The following THSD7B variants were observed in gnomAD, a reference collection of about 807,000 sequenced individuals.
THSD7B encodes the protein thrombospondin type-1 domain-containing protein 7B.
Under a neutral mutation model 213.6 loss-of-function variants are expected in THSD7B, and 138 were observed. The ratio of observed to expected loss-of-function variants is 0.65; its 90% CI spans 0.56 to 0.74. THSD7B has a LOEUF of 0.74. Among genes scored for constraint, THSD7B ranks in the 30% least tolerant of loss-of-function variants. The pLI, the probability that THSD7B is intolerant of heterozygous loss-of-function variation, is 0.00. For synonymous variants in THSD7B, 742 were observed against 687.0 expected (o/e 1.08, Z -1.25); for missense variants, 1,931 against 1,991.5 (o/e 0.97, Z 0.58).
chr2:137,168,918 A>G (rs968896452), intron 6 of THSD7B, among the ~76,000 whole-genome samples: 1 of 152,108 alleles, frequency 6.6e-6, no homozygotes, highest in Non-Finnish European at 1.5e-5. Flanking sequence ...TCTCCTTTCA[A>G]GGTGGCTTAG....
At chr2:137,604,854 G>T (rs375136283) in intron 17 of THSD7B, among the ~76,000 whole-genome samples, 72 of 152,148 alleles carry the variant, frequency 4.7e-4, no homozygotes, top group African/African-American at 1.7e-3. Flanking sequence ...GAAGTATGTG[G>T]TATATTTGGC....
At chr2:137,470,552 T>C (rs1035148086) in intron 15 of THSD7B, among the ~76,000 whole-genome samples, 4 of 152,292 alleles carry the variant, frequency 2.6e-5, no homozygotes, top group African/African-American at 9.6e-5. Context: ...TTAATCACGA[T>C]GCTAGTAAGG....
At chr2:137,565,645 C>T (rs1206016340) in intron 16 of THSD7B, among the ~76,000 whole-genome samples, 2 of 152,250 alleles carry the variant, frequency 1.3e-5, no homozygotes, top group South Asian at 2.1e-4. Flanking sequence ...TATCATTCTG[C>T]CCCAGTCCCC....
At chr2:137,252,713 C>G (rs974829773) in intron 10 of THSD7B, among the ~76,000 whole-genome samples, 3 of 152,124 alleles carry the variant, frequency 2.0e-5, no homozygotes, top group African/African-American at 7.2e-5. Context: ...ACAAAGGTGG[C>G]AGAGAATGAT....
chr2:137,137,642 T>G (rs1169848273), intron 5 of THSD7B, among the ~76,000 whole-genome samples: 1 of 152,170 alleles, frequency 6.6e-6, no homozygotes, highest in Non-Finnish European at 1.5e-5. Context: ...CCTCTAAGTT[T>G]GTGGAAGTAA....
chr2:137,285,874 T>G (rs1683161488), intron 12 of THSD7B, among the ~76,000 whole-genome samples: 1 of 151,878 alleles, frequency 6.6e-6, no homozygotes, highest in African/African-American at 2.4e-5. Flanking sequence ...GAGGTTGAGG[T>G]GGGCGGATCA....
At chr2:137,556,740 C>T (rs1329071438) in intron 15 of THSD7B, among the ~76,000 whole-genome samples, 2 of 152,126 alleles carry the variant, frequency 1.3e-5, no homozygotes, top group African/African-American at 4.8e-5. Flanking sequence ...TTAAAAGACA[C>T]AGACTGGCAA....
At chr2:136,797,047 A>G (rs1272045291) in intron 1 of THSD7B, among the ~76,000 whole-genome samples, 2 of 151,464 alleles carry the variant, frequency 1.3e-5, no homozygotes, top group East Asian at 3.9e-4. Flanking sequence ...TGTTTTTGTC[A>G]TGAAAAGAAA....
At chr2:137,354,136 T>G (rs1685075059) in intron 12 of THSD7B, among the ~76,000 whole-genome samples, 1 of 151,980 alleles carries the variant, frequency 6.6e-6, no homozygotes, top group African/African-American at 2.4e-5. Context: ...CTTACGACAT[T>G]GTTATTGTAG....
intron 7 of THSD7B, among the ~76,000 whole-genome samples, chr2:137,194,270 G>A (rs929253270): frequency 6.6e-5 from 10 of 152,284 alleles, no homozygotes; most frequent in Middle Eastern, 3.4e-3. Context: ...AAAGGGGCGT[G>A]CTGTAGAAAA....
intron 21 of THSD7B, among the ~76,000 whole-genome samples, chr2:137,655,014 T>G (rs1573768795): frequency 6.6e-6 from 1 of 152,192 alleles, no homozygotes; most frequent in Non-Finnish European, 1.5e-5. Flanking sequence ...ATAGAAGGCA[T>G]GCTGTGAAAA....
At chr2:137,198,344 A>G (rs1234039925) in intron 7 of THSD7B, among the ~76,000 whole-genome samples, 1 of 152,148 alleles carries the variant, frequency 6.6e-6, no homozygotes, top group African/African-American at 2.4e-5. Flanking sequence ...CTGCAACTTT[A>G]TCCCTAAACC....
rs1337381075 is a variant in THSD7B at position 137,056,472 on chromosome 2, G to A, written c.192G>A (p.Arg64=). Residue 64 remains arginine, a synonymous_variant, in exon 3 of 28, where the codon CGG becomes CGA. Transcript: ENST00000409968. ...GDCGPGGVQS[R]AVWCFHVDGW... The stretch of plus-strand genomic sequence containing the variant: ...GTGGTCCCGGAGGAGTCCAGAGTCG[G>A]GCAGTGTGGTGTTTTCATGTTGACG... 1 of 1,613,876 alleles carries A rather than the reference G, an allele frequency of 6.2e-7. No individual in the cohort carries two copies. Among genetic ancestry groups the A allele is most frequent in the East Asian group, 2.2e-5 (1 of 44,892 alleles).
intron 15 of THSD7B, 74 bp downstream of exon 15, chr2:137,451,097 C>T (rs1278374414): frequency 1.4e-6 from 2 of 1,400,434 alleles, no homozygotes; most frequent in Non-Finnish European, 1.9e-6. Flanking sequence ...AAATTGAAGT[C>T]ATTCTCTTAT....
intron 12 of THSD7B, among the ~76,000 whole-genome samples, chr2:137,283,873 A>G (rs375788257): frequency 1.3e-5 from 2 of 151,950 alleles, no homozygotes; most frequent in African/African-American, 4.8e-5. Flanking sequence ...TTTTGGTTGT[A>G]TCTCTTCCCA....
chr2:136,957,245 A>C (rs1685141612), intron 2 of THSD7B, among the ~76,000 whole-genome samples: 1 of 152,096 alleles, frequency 6.6e-6, no homozygotes, highest in Admixed American at 6.6e-5. Context: ...TCCACCAAGG[A>C]TTGATTCTGA....
At chr2:137,284,533 A>G (rs557194064) in intron 12 of THSD7B, among the ~76,000 whole-genome samples, 6 of 152,158 alleles carry the variant, frequency 3.9e-5, no homozygotes, top group Admixed American at 6.5e-5. Flanking sequence ...TCTTGTGGGC[A>G]TTTAGTGCTA....
intron 26 of THSD7B, among the ~76,000 whole-genome samples, chr2:137,666,942 G>T (rs1395690479): frequency 1.3e-5 from 2 of 152,078 alleles, no homozygotes; most frequent in Admixed American, 6.6e-5. Flanking sequence ...CAGACACATG[G>T]TCATAATTTT....
intron 2 of THSD7B, among the ~76,000 whole-genome samples, chr2:137,020,373 T>C (rs1301903448): frequency 6.6e-6 from 1 of 152,156 alleles, no homozygotes; most frequent in Non-Finnish European, 1.5e-5. Context: ...TGAGAGACTA[T>C]TGACTTCTTT....
Sources: allele counts gnomAD v4.1 joint callset (sites outside exome capture counted in the v4.1 genomes callset), GRCh38; gene constraint gnomAD v4.1.1; transcripts MANE v1.5; gene names NCBI Gene and HGNC (gene_info 2026-07-23, HGNC 2026-07-21).